KIAA1328: variants seen among roughly 807,000 people sequenced by gnomAD.
The protein encoded by KIAA1328 is KIAA1328.
KIAA1328 carries 52 observed loss-of-function variants against 68.1 expected under a neutral mutation model. The ratio of observed to expected loss-of-function variants is 0.76; its 90% confidence interval spans 0.61 to 0.96. The LOEUF (loss-of-function observed/expected upper bound fraction) is 0.96, where lower values mean the gene tolerates loss of function less well. Among genes scored for constraint, KIAA1328 ranks in the 40% least tolerant of loss-of-function variants. The probability of loss-of-function intolerance (pLI) is 0.00; values close to 1 mark genes in which losing one functional copy is unlikely to be tolerated. For synonymous variants in KIAA1328, 232 were observed against 239.4 expected (o/e 0.97, Z 0.28); for missense variants, 641 against 677.6 (o/e 0.95, Z 0.60).
At chr18:36,999,442 CA>C (rs2053509572) in intron 6 of KIAA1328, among the ~76,000 whole-genome samples, 1 of 151,982 alleles carries the variant, frequency 6.6e-6, no homozygotes, top group African/African-American at 2.4e-5. Context: ...AGATACAATG[CA>C]AAAAGGACTT....
chr18:36,855,130 T>C (rs1188199574), intron 4 of KIAA1328, among the ~76,000 whole-genome samples: 1 of 152,168 alleles, frequency 6.6e-6, no homozygotes, highest in African/African-American at 2.4e-5. Flanking sequence ...TGTACAAGGA[T>C]TTGTTTTGAG....
intron 5 of KIAA1328, among the ~76,000 whole-genome samples, chr18:36,899,063 G>C (rs1286588984): frequency 6.6e-6 from 1 of 151,910 alleles, no homozygotes; most frequent in African/African-American, 2.4e-5. Context: ...ATCTTGTTCT[G>C]TATCTCAGGA....
intron 7 of KIAA1328, among the ~76,000 whole-genome samples, chr18:37,090,987 G>C (rs1018928281): frequency 6.6e-6 from 1 of 152,122 alleles, no homozygotes; most frequent in African/African-American, 2.4e-5. Context: ...ATCAGAAGAT[G>C]ATGAATACGA....
At chr18:36,960,146 A>G (rs915421391) in intron 6 of KIAA1328, among the ~76,000 whole-genome samples, 1 of 152,196 alleles carries the variant, frequency 6.6e-6, no homozygotes, top group Non-Finnish European at 1.5e-5. Context: ...CCAGCAGACC[A>G]GGGGATTCTC....
intron 7 of KIAA1328, among the ~76,000 whole-genome samples, chr18:37,125,515 A>G (rs765497287): frequency 3.9e-5 from 6 of 152,234 alleles, no homozygotes; most frequent in Admixed American, 1.3e-4. Flanking sequence ...GCAGAAATCA[A>G]TGAATTAGAA....
At position 37,191,721 on chromosome 18, in the gene KIAA1328, A is replaced by G. The variant is rs758983765; in HGVS notation, c.1523+18640A>G. ...TTCATCTGATGTACTAAGTGGAATC[A>G]TTAACTGTATTAACCCAAACGTACA... On this transcript the variant is annotated intron_variant, in intron 9 of 9. Coordinates refer to ENST00000280020, the MANE Select transcript of KIAA1328 (RefSeq NM_020776.3). 1.1e-3 allele frequency among the ~76,000 whole-genome samples: 161 copies of G among 152,332 alleles called. 2 individuals are homozygous for G. In the Middle Eastern group the frequency reaches 0.02, roughly 19 times the overall value.
At chr18:36,971,654 G>C (rs903449111) in intron 6 of KIAA1328, among the ~76,000 whole-genome samples, 2 of 152,024 alleles carry the variant, frequency 1.3e-5, no homozygotes, top group Non-Finnish European at 2.9e-5. Context: ...TTTAAAAAAT[G>C]TGGTACTGTA....
intron 5 of KIAA1328, among the ~76,000 whole-genome samples, chr18:36,953,697 A>C (rs2051270734): frequency 6.6e-6 from 1 of 152,124 alleles, no homozygotes; most frequent in Non-Finnish European, 1.5e-5. Context: ...GAATGAGAAG[A>C]TTTTATTTTA....
chr18:37,074,005 G>A (rs576411482), intron 7 of KIAA1328, among the ~76,000 whole-genome samples: 1 of 152,298 alleles, frequency 6.6e-6, no homozygotes, highest in East Asian at 1.9e-4. Context: ...CACCACCCCA[G>A]TGAAGATTTA....
At chr18:36,835,121 GA>G in intron 2 of KIAA1328, 112 bp from the exon 3 acceptor site, 1 of 726,306 alleles carries the variant, frequency 1.4e-6, no homozygotes, top group Non-Finnish European at 2.2e-6. Context: ...TAAAGTAAGA[GA>G]GTTTCCTCCA....
intron 5 of KIAA1328, among the ~76,000 whole-genome samples, chr18:36,931,497 A>G (rs986752558): frequency 2.6e-5 from 4 of 151,916 alleles, no homozygotes; most frequent in Non-Finnish European, 5.9e-5. Context: ...CCACCCCACA[A>G]TGTCTGTGGA....
chr18:36,971,319 C>T (rs890674508), intron 6 of KIAA1328, among the ~76,000 whole-genome samples: 17 of 152,130 alleles, frequency 1.1e-4, no homozygotes, highest in Non-Finnish European at 1.9e-4. Flanking sequence ...AAGACTTAAA[C>T]GTAAGACCTA....
intron 7 of KIAA1328, among the ~76,000 whole-genome samples, chr18:37,099,996 T>A (rs911503049): frequency 8.5e-5 from 13 of 152,194 alleles, no homozygotes; most frequent in East Asian, 5.8e-4. Context: ...GTTTCCTGAA[T>A]GCAGCACACT....
intron 6 of KIAA1328, among the ~76,000 whole-genome samples, chr18:36,974,974 A>T (rs996870074): frequency 6.6e-6 from 1 of 152,158 alleles, no homozygotes; most frequent in Non-Finnish European, 1.5e-5. Flanking sequence ...AACCAGTTCT[A>T]TCGGTCATGG....
intron 7 of KIAA1328, among the ~76,000 whole-genome samples, chr18:37,147,827 G>A (rs1213463478): frequency 1.3e-5 from 2 of 152,088 alleles, no homozygotes; most frequent in Admixed American, 1.3e-4. Context: ...GTCAGTTAGT[G>A]ATAGGTATAT....
At chr18:37,180,927 G>A (rs544901337) in intron 9 of KIAA1328, among the ~76,000 whole-genome samples, 10 of 152,156 alleles carry the variant, frequency 6.6e-5, no homozygotes, top group South Asian at 2.1e-4. Flanking sequence ...ATTACATTGG[G>A]CATATACAGA....
At chr18:37,073,620 C>T (rs2056609665) in intron 7 of KIAA1328, among the ~76,000 whole-genome samples, 1 of 152,144 alleles carries the variant, frequency 6.6e-6, no homozygotes, top group South Asian at 2.1e-4. Context: ...CATTTGTCCT[C>T]TTCATTCTGT....
intron 6 of KIAA1328, among the ~76,000 whole-genome samples, chr18:37,042,767 G>A (rs183870574): frequency 2.6e-5 from 4 of 152,000 alleles, no homozygotes; most frequent in East Asian, 1.9e-4. Context: ...TCGATGTGCC[G>A]ATTAATGTTT....
intron 6 of KIAA1328, among the ~76,000 whole-genome samples, chr18:37,062,059 A>T (rs1476764092): frequency 6.6e-6 from 1 of 152,220 alleles, no homozygotes; most frequent in Non-Finnish European, 1.5e-5. Flanking sequence ...ACTTCATTTA[A>T]TCCTTACAAG....
Sources: gnomAD v4.1 joint callset for allele counts (sites outside exome capture counted in the v4.1 genomes callset) on GRCh38, gnomAD v4.1.1 for gene constraint, MANE v1.5 for transcripts, NCBI Gene and HGNC (gene_info 2026-07-23, HGNC 2026-07-21) for gene names.